RANBP2: variants seen among roughly 807,000 people sequenced by gnomAD.
RANBP2 encodes the protein RAN binding protein 2.
RANBP2 carries 57 observed loss-of-function variants against 303.6 expected under a neutral mutation model. That is an observed-to-expected ratio of 0.19 (90% CI 0.15 to 0.23). The LOEUF is 0.23. Among genes scored for constraint, RANBP2 ranks in the 10% least tolerant of loss-of-function variants. RANBP2 has a pLI of 1.00. For missense variants in RANBP2, 3,138 were observed against 3,780.8 expected (o/e 0.83, Z 4.46); for synonymous variants, 1,167 against 1,301.5 (o/e 0.90, Z 2.23).
the RANBP2 span, among the ~76,000 whole-genome samples, chr2:109,703,556 G>C: frequency 6.6e-6 from 1 of 152,180 alleles, no homozygotes; most frequent in Admixed American, 6.5e-5. Flanking sequence ...ATCCTTCTGA[G>C]TAGCTGGGAT....
the RANBP2 span, chr2:108,798,610 A>G: frequency 5.4e-5 from 83 of 1,524,642 alleles, no homozygotes; most frequent in African/African-American, 7.0e-5. Context: ...CTTTGATTTT[A>G]GAGTGGTATA....
the RANBP2 span, among the ~76,000 whole-genome samples, chr2:108,812,298 C>G: frequency 3.3e-5 from 5 of 152,024 alleles, no homozygotes; most frequent in African/African-American, 4.8e-5. Flanking sequence ...GTACTGCATA[C>G]TTAGGATTTT....
At chr2:109,080,475 C>T in the RANBP2 span, among the ~76,000 whole-genome samples, 1 of 152,176 alleles carries the variant, frequency 6.6e-6, no homozygotes, top group African/African-American at 2.4e-5. Context: ...ACTGAAGAAA[C>T]TGGAGAGTGG....
At chr2:108,736,781 CA>C (rs1433679781) in intron 6 of RANBP2, among the ~76,000 whole-genome samples, 1 of 151,968 alleles carries the variant, frequency 6.6e-6, no homozygotes, top group Non-Finnish European at 1.5e-5. Flanking sequence ...TTCCATTGAA[CA>C]AAAACATCAC....
the RANBP2 span, among the ~76,000 whole-genome samples, chr2:109,689,607 C>T: frequency 1.3e-5 from 2 of 152,144 alleles, no homozygotes; most frequent in Non-Finnish European, 2.9e-5. Flanking sequence ...TTAGCAATGA[C>T]AAAATCCAGC....
At chr2:109,534,613 C>G in the RANBP2 span, among the ~76,000 whole-genome samples, 1 of 152,102 alleles carries the variant, frequency 6.6e-6, no homozygotes, top group African/African-American at 2.4e-5. Context: ...AACCCCGTCT[C>G]TACTAAAAAC....
chr2:109,128,288 C>G, the RANBP2 span: 2 of 152,258 alleles, frequency 1.3e-5, no homozygotes, highest in Non-Finnish European at 2.9e-5. Flanking sequence ...GGAAGGAGAG[C>G]GCGAATTCAC....
At chr2:109,351,049 T>C in the RANBP2 span, among the ~76,000 whole-genome samples, 2 of 152,278 alleles carry the variant, frequency 1.3e-5, no homozygotes, top group Admixed American at 6.5e-5. Flanking sequence ...TAGTTTCTGC[T>C]TTATTTCAGA....
chr2:109,418,506 G>A, the RANBP2 span, among the ~76,000 whole-genome samples: 1 of 152,082 alleles, frequency 6.6e-6, no homozygotes, highest in Non-Finnish European at 1.5e-5. Context: ...TCGGCTTGTG[G>A]ATGCATCACT....
chr2:109,292,835 C>T, the RANBP2 span, among the ~76,000 whole-genome samples: 1 of 152,140 alleles, frequency 6.6e-6, no homozygotes. Context: ...CAGGTTAAAG[C>T]GATTCTCTTG....
At chr2:109,590,078 A>ATATGTATATATATACACACACATATATG in the RANBP2 span, among the ~76,000 whole-genome samples, 3 of 147,576 alleles carry the variant, frequency 2.0e-5, no homozygotes, top group South Asian at 4.6e-4. Context: ...ACACACATAT[A>ATATGTATATATATACACACACATATATG]TATGTATATA....
chr2:109,224,074 T>C, the RANBP2 span, among the ~76,000 whole-genome samples: 1 of 152,222 alleles, frequency 6.6e-6, no homozygotes, highest in Non-Finnish European at 1.5e-5. Context: ...CTGGAATAGC[T>C]TCAGGGTTTA....
the RANBP2 span, among the ~76,000 whole-genome samples, chr2:109,578,603 C>T: frequency 6.6e-6 from 1 of 152,012 alleles, no homozygotes; most frequent in Non-Finnish European, 1.5e-5. Context: ...CCCATCTCTA[C>T]TAAAAATACA....
the RANBP2 span, among the ~76,000 whole-genome samples, chr2:109,309,499 C>A: frequency 3.1e-5 from 4 of 128,762 alleles, no homozygotes; most frequent in Non-Finnish European, 4.7e-5. Context: ...TCACACATAA[C>A]AATATTAACT....
At chr2:109,075,858 G>A in the RANBP2 span, among the ~76,000 whole-genome samples, 1 of 150,092 alleles carries the variant, frequency 6.7e-6, no homozygotes, top group African/African-American at 2.4e-5. Context: ...AAAAATCGAT[G>A]GCTTTCATGG....
chr2:108,722,546 C>G (rs1049080440), intron 1 of RANBP2, among the ~76,000 whole-genome samples: 2 of 151,040 alleles, frequency 1.3e-5, no homozygotes, highest in African/African-American at 2.5e-5. Context: ...TGTGATGATG[C>G]GTCTGTATAT....
chr2:109,208,749 C>T, the RANBP2 span, among the ~76,000 whole-genome samples: 3 of 152,158 alleles, frequency 2.0e-5, no homozygotes, highest in Non-Finnish European at 4.4e-5. Context: ...ATTTCCTTGT[C>T]AGAGGAAGTG....
At chr2:109,435,028 C>T in the RANBP2 span, among the ~76,000 whole-genome samples, 4 of 152,182 alleles carry the variant, frequency 2.6e-5, no homozygotes, top group Non-Finnish European at 1.5e-5. Context: ...TGCTCACTCT[C>T]CTCAAGCCCT....
the RANBP2 span, among the ~76,000 whole-genome samples, chr2:109,134,523 A>T: frequency 6.6e-6 from 1 of 152,240 alleles, no homozygotes; most frequent in Non-Finnish European, 1.5e-5. Context: ...CCAGGTGTGA[A>T]TGAAGCCTCT....
Sources: gnomAD v4.1 joint callset for allele counts (sites outside exome capture counted in the v4.1 genomes callset) on GRCh38, gnomAD v4.1.1 for gene constraint, MANE v1.5 for transcripts, NCBI Gene and HGNC (gene_info 2026-07-23, HGNC 2026-07-21) for gene names.